The following NRXN3 variants were observed in gnomAD, a reference collection of about 807,000 sequenced individuals.
NRXN3 encodes the protein neurexin 3.
NRXN3 carries 32 observed loss-of-function variants against 137.6 expected under a neutral mutation model. The ratio of observed to expected loss-of-function variants is 0.23; its 90% CI spans 0.18 to 0.31. The LOEUF (loss-of-function observed/expected upper bound fraction) is 0.31. Ranked by LOEUF, NRXN3 falls within the 10% of genes least tolerant of loss-of-function variation. The pLI is 1.00. For missense variants in NRXN3, 1,574 were observed against 2,062.5 expected (o/e 0.76, Z 4.59); for synonymous variants, 798 against 784.5 (o/e 1.02, Z -0.29).
chr14:78,724,211 G>A (rs1381857218), intron 8 of NRXN3, among the ~76,000 whole-genome samples: 1 of 152,208 alleles, frequency 6.6e-6, no homozygotes, highest in Non-Finnish European at 1.5e-5. Context: ...ACCCGATACT[G>A]AGTATTACGT....
At chr14:79,331,511 T>C (rs1027470927) in intron 15 of NRXN3, among the ~76,000 whole-genome samples, 5 of 152,214 alleles carry the variant, frequency 3.3e-5, no homozygotes, top group African/African-American at 1.2e-4. Context: ...CCTCAAGCTT[T>C]CTATGGTCAC....
chr14:79,794,634 G>A (rs2099155752), intron 19 of NRXN3, among the ~76,000 whole-genome samples: 4 of 152,160 alleles, frequency 2.6e-5, no homozygotes, highest in Admixed American at 2.6e-4. Context: ...CTATTATACA[G>A]AGGACACGAT....
chr14:79,217,063 G>A (rs61995407), intron 15 of NRXN3, among the ~76,000 whole-genome samples: 15,789 of 152,142 alleles, frequency 0.1, 1,115 homozygotes, highest in Non-Finnish European at 0.15. Flanking sequence ...CTTGAAACCA[G>A]GAGGCAGAGG....
At chr14:78,610,309 C>A (rs2097289920) in intron 4 of NRXN3, among the ~76,000 whole-genome samples, 1 of 152,090 alleles carries the variant, frequency 6.6e-6, no homozygotes, top group Non-Finnish European at 1.5e-5. Flanking sequence ...ATTATTTATT[C>A]AAAGCTAAAT....
chr14:78,801,219 G>T (rs143128509), intron 8 of NRXN3, among the ~76,000 whole-genome samples: 3 of 152,260 alleles, frequency 2.0e-5, no homozygotes, highest in African/African-American at 7.2e-5. Context: ...TACTTGCAAG[G>T]CTGAAGCAAG....
chr14:79,422,363 C>T (rs1260834912), intron 15 of NRXN3, among the ~76,000 whole-genome samples: 1 of 152,102 alleles, frequency 6.6e-6, no homozygotes, highest in Non-Finnish European at 1.5e-5. Flanking sequence ...AGGCCCAGCC[C>T]ATGGTGTTTT....
chr14:79,043,951 C>A (rs531620279), intron 15 of NRXN3, among the ~76,000 whole-genome samples: 1 of 152,254 alleles, frequency 6.6e-6, no homozygotes, highest in East Asian at 1.9e-4. Flanking sequence ...ACTACCTGTG[C>A]ACTGAAGGAT....
chr14:78,175,574 A>G lies in NRXN3; in HGVS notation c.-704+4900A>G, dbSNP rs557483306. ...GCTGTGGTCCGGGACCTGCTGGGGG[A>G]AGAACTGTTGCGCTGCAGCTCTGAG... On this transcript the variant is annotated intron_variant, in intron 1 of 20. Coordinates refer to ENST00000335750, the MANE Select transcript of NRXN3 (RefSeq NM_001330195.2). Among the ~76,000 whole-genome samples, 78 of 151,690 alleles carry G rather than the reference A, an allele frequency of 5.1e-4. 1 individual carries two copies. The South Asian group carries it at 0.016, about 32-fold the overall frequency.
chr14:78,401,582 C>T (rs1049543233), intron 4 of NRXN3, among the ~76,000 whole-genome samples: 1 of 152,110 alleles, frequency 6.6e-6, no homozygotes, highest in Non-Finnish European at 1.5e-5. Flanking sequence ...TAGTTGGGTC[C>T]CAAAAGGCCA....
At chr14:79,465,647 A>G (rs1468856632) in intron 15 of NRXN3, among the ~76,000 whole-genome samples, 2 of 152,214 alleles carry the variant, frequency 1.3e-5, no homozygotes, top group Admixed American at 6.5e-5. Flanking sequence ...ACATAATTCT[A>G]CCTAATATTC....
At chr14:79,389,342 T>A (rs949319217) in intron 15 of NRXN3, among the ~76,000 whole-genome samples, 4 of 152,188 alleles carry the variant, frequency 2.6e-5, no homozygotes, top group Non-Finnish European at 4.4e-5. Context: ...ACAAAAGGTG[T>A]CTAAATTTGG....
intron 8 of NRXN3, among the ~76,000 whole-genome samples, chr14:78,788,822 A>G (rs986241135): frequency 7.2e-5 from 11 of 152,112 alleles, no homozygotes; most frequent in African/African-American, 2.7e-4. Flanking sequence ...TATTATTATT[A>G]CACTTGGGAA....
At chr14:79,248,824 C>T (rs2075557413) in intron 15 of NRXN3, 1 of 152,188 alleles carries the variant, frequency 6.6e-6, no homozygotes, top group Admixed American at 6.5e-5. Context: ...CTTAAGAGTA[C>T]TGCTTACTTT....
chr14:78,401,341 T>C (rs1206307418), intron 4 of NRXN3, among the ~76,000 whole-genome samples: 1 of 152,034 alleles, frequency 6.6e-6, no homozygotes, highest in Non-Finnish European at 1.5e-5. Context: ...ATTTTTGTAT[T>C]TTTAGTAGAG....
chr14:79,671,781 C>T (rs1010043156), intron 17 of NRXN3, among the ~76,000 whole-genome samples: 3 of 151,842 alleles, frequency 2.0e-5, no homozygotes, highest in African/African-American at 7.3e-5. Flanking sequence ...TTCTCTCTCC[C>T]ATAAATGTCT....
At chr14:78,793,514 G>T (rs911552314) in intron 8 of NRXN3, among the ~76,000 whole-genome samples, 1 of 152,114 alleles carries the variant, frequency 6.6e-6, no homozygotes, top group Non-Finnish European at 1.5e-5. Context: ...GGAAAAAGGC[G>T]CATGGGGGCA....
At chr14:79,333,526 C>T (rs540816889) in intron 15 of NRXN3, among the ~76,000 whole-genome samples, 2 of 152,150 alleles carry the variant, frequency 1.3e-5, no homozygotes, top group African/African-American at 4.8e-5. Flanking sequence ...TGGAGTTCTT[C>T]TTCCCACCAT....
At chr14:79,574,354 G>A (rs981068086) in intron 16 of NRXN3, among the ~76,000 whole-genome samples, 9 of 151,988 alleles carry the variant, frequency 5.9e-5, no homozygotes, top group Non-Finnish European at 1.3e-4. Context: ...AACTGCCTAT[G>A]TAGCCTTCCA....
intron 10 of NRXN3, among the ~76,000 whole-genome samples, chr14:78,912,768 G>A (rs974214292): frequency 2.0e-5 from 3 of 152,166 alleles, no homozygotes; most frequent in African/African-American, 7.2e-5. Flanking sequence ...TGAGTGGTTT[G>A]CTGTTGGATC....
Sources: gnomAD v4.1 joint callset for allele counts (sites outside exome capture counted in the v4.1 genomes callset) on GRCh38, gnomAD v4.1.1 for gene constraint, MANE v1.5 for transcripts, NCBI Gene and HGNC (gene_info 2026-07-23, HGNC 2026-07-21) for gene names.